Variants in LRMDA observed in about 807,000 individuals in gnomAD.
LRMDA encodes the protein leucine rich melanocyte differentiation associated, also known as leucine-rich melanocyte differentiation-associated protein.
In LRMDA, 18 loss-of-function variants were observed where a neutral mutation model predicts 29.8. That is an observed-to-expected ratio of 0.60 (90% CI 0.42 to 0.90). LRMDA has a LOEUF of 0.90. LRMDA is among the 40% of genes least tolerant of loss of function. The probability of loss-of-function intolerance (pLI) is 0.00; values close to 1 mark genes in which losing one functional copy is unlikely to be tolerated. For missense variants in LRMDA, 273 were observed against 273.9 expected, an observed-to-expected ratio of 1.00 and a Z score of 0.02; for synonymous variants, 125 against 109.4, an observed-to-expected ratio of 1.14 and a Z score of -0.89.
intron 5 of LRMDA, among the ~76,000 whole-genome samples, chr10:76,303,728 T>C (rs1413210205): frequency 2.0e-5 from 3 of 151,604 alleles, no homozygotes; most frequent in Admixed American, 1.3e-4. Flanking sequence ...TTTTTTTTTT[T>C]TGGTGATCAG....
At chr10:76,064,990 T>C (rs1436358458) in intron 5 of LRMDA, among the ~76,000 whole-genome samples, 4 of 152,226 alleles carry the variant, frequency 2.6e-5, no homozygotes, top group Non-Finnish European at 5.9e-5. Context: ...TATTTTCAGT[T>C]TCTTTCTAGT....
At chr10:76,293,899 A>G (rs768505322) in intron 5 of LRMDA, among the ~76,000 whole-genome samples, 4 of 152,342 alleles carry the variant, frequency 2.6e-5, no homozygotes, top group East Asian at 1.9e-4. Context: ...TCACTCAGTC[A>G]TAATTAAACA....
intron 5 of LRMDA, among the ~76,000 whole-genome samples, chr10:76,288,519 T>A (rs1009587511): frequency 4.6e-5 from 7 of 151,946 alleles, no homozygotes; most frequent in Non-Finnish European, 1.0e-4. Context: ...AAGCAAAAAT[T>A]GACAAATGGG....
At chr10:76,311,493 G>T (rs1313793203) in intron 5 of LRMDA, among the ~76,000 whole-genome samples, 1 of 152,004 alleles carries the variant, frequency 6.6e-6, no homozygotes, top group African/African-American at 2.4e-5. Flanking sequence ...CATTAAAAAA[G>T]TTTCCCAGCT....
At chr10:75,802,308 AC>A (rs1245426099) in intron 2 of LRMDA, among the ~76,000 whole-genome samples, 3 of 149,912 alleles carry the variant, frequency 2.0e-5, no homozygotes, top group Non-Finnish European at 3.0e-5. Context: ...ACAGAGAGAG[AC>A]CCTATCTCTA....
At chr10:76,071,167 T>C (rs1230906292) in intron 5 of LRMDA, among the ~76,000 whole-genome samples, 1 of 152,166 alleles carries the variant, frequency 6.6e-6, no homozygotes, top group Non-Finnish European at 1.5e-5. Flanking sequence ...GAATTTGTCA[T>C]TGGAATCAGG....
At chr10:76,398,476 C>T (rs1019247292) in intron 6 of LRMDA, among the ~76,000 whole-genome samples, 6 of 152,174 alleles carry the variant, frequency 3.9e-5, no homozygotes, top group Non-Finnish European at 5.9e-5. Flanking sequence ...GCCTAGTCAA[C>T]GACCCTCAAA....
intron 5 of LRMDA, among the ~76,000 whole-genome samples, chr10:76,242,601 A>C (rs1307341687): frequency 6.6e-6 from 1 of 152,076 alleles, no homozygotes; most frequent in East Asian, 1.9e-4. Context: ...TCCTCTCTAC[A>C]TGTTCACATT....
At chr10:76,139,076 C>G (rs959704439) in intron 5 of LRMDA, among the ~76,000 whole-genome samples, 1 of 152,084 alleles carries the variant, frequency 6.6e-6, no homozygotes, top group Non-Finnish European at 1.5e-5. Flanking sequence ...CCTTTGCTGC[C>G]AAATTAGAAA....
intron 2 of LRMDA, among the ~76,000 whole-genome samples, chr10:75,672,519 TCTTTTCCTCCCCTCC>T (rs1841904579): frequency 3.6e-5 from 1 of 28,052 alleles, no homozygotes; most frequent in African/African-American, 1.5e-4. Context: ...ATTTTTCTTT[TCTTTTCCTCCCCTCC>T]CCTCCCCTCC....
At chr10:75,950,706 C>G (rs1375037032) in intron 2 of LRMDA, among the ~76,000 whole-genome samples, 1 of 152,180 alleles carries the variant, frequency 6.6e-6, no homozygotes, top group East Asian at 1.9e-4. Context: ...GCTGGTAAGT[C>G]CCTTGAAGTC....
At chr10:75,691,209 C>CAT (rs757137330) in intron 2 of LRMDA, among the ~76,000 whole-genome samples, 35 of 136,108 alleles carry the variant, frequency 2.6e-4, no homozygotes, top group East Asian at 2.0e-3. Flanking sequence ...CACACACACA[C>CAT]ATATATATAT....
At chr10:75,820,342 C>T (rs1237519681) in intron 2 of LRMDA, among the ~76,000 whole-genome samples, 1 of 152,194 alleles carries the variant, frequency 6.6e-6, no homozygotes, top group Non-Finnish European at 1.5e-5. Flanking sequence ...TAGAGATCAA[C>T]ACCAAAGGAA....
At chr10:76,181,433 C>A (rs774409492) in intron 5 of LRMDA, among the ~76,000 whole-genome samples, 1 of 152,194 alleles carries the variant, frequency 6.6e-6, no homozygotes, top group South Asian at 2.1e-4. Flanking sequence ...TCAGATATCC[C>A]GTCCGAGTTG....
intron 2 of LRMDA, among the ~76,000 whole-genome samples, chr10:75,735,764 C>T (rs865992169): frequency 8.5e-5 from 13 of 152,116 alleles, no homozygotes; most frequent in African/African-American, 1.4e-4. Context: ...CAACAGAAGC[C>T]GCTATCAGCT....
chr10:76,096,779 G>A (rs1849318101), intron 5 of LRMDA, among the ~76,000 whole-genome samples: 1 of 151,962 alleles, frequency 6.6e-6, no homozygotes, highest in Non-Finnish European at 1.5e-5. Flanking sequence ...CTTTTAATCT[G>A]TTTTATAATT....
intron 2 of LRMDA, among the ~76,000 whole-genome samples, chr10:75,555,512 A>G (rs79020768): frequency 0.044 from 6,673 of 152,270 alleles, 217 homozygotes; most frequent in Non-Finnish European, 0.071. Flanking sequence ...TGTGTGGTGC[A>G]GATTCCACAC....
chr10:75,946,008 G>A (rs557262058), intron 2 of LRMDA, among the ~76,000 whole-genome samples: 3 of 152,194 alleles, frequency 2.0e-5, no homozygotes, highest in Non-Finnish European at 4.4e-5. Context: ...CCCTTTCTCT[G>A]TCTGCTAGAA....
chr10:75,751,900 C>CA lies in LRMDA; in HGVS notation c.132-284108_132-284107insA, dbSNP rs1202108279. ...GCTGTGCATCCAGAGGCAGGCAAGG[C>CA]TTGGGCTGGCATGGACTTGCACAAT... On this transcript the variant is annotated intron_variant, in intron 2 of 6. Coordinates refer to ENST00000611255, the MANE Select transcript of LRMDA (RefSeq NM_001305581.2). 4.6e-5 allele frequency among the ~76,000 whole-genome samples: 7 copies of CA among 152,260 alleles called. No individual in the cohort carries two copies. The South Asian group carries it at 6.2e-4, about 14-fold the overall frequency.
Sources: gnomAD v4.1 joint callset for allele counts (sites outside exome capture counted in the v4.1 genomes callset) on GRCh38, gnomAD v4.1.1 for gene constraint, MANE v1.5 for transcripts, NCBI Gene and HGNC (gene_info 2026-07-23, HGNC 2026-07-21) for gene names.